The following ST3GAL3 variants were observed in gnomAD, a reference collection of about 807,000 sequenced individuals.
ST3GAL3 encodes ST3 beta-galactoside alpha-2,3-sialyltransferase 3, also known as CMP-N-acetylneuraminate-beta-1,4-galactoside alpha-2,3-sialyltransferase.
In ST3GAL3, 21 loss-of-function variants were observed where a neutral mutation model predicts 50.1. The observed-to-expected ratio is 0.42, with a 90% CI of 0.30 to 0.60. The LOEUF (loss-of-function observed/expected upper bound fraction) is 0.60, where lower values mean the gene tolerates loss of function less well. ST3GAL3 is among the 20% of genes least tolerant of loss of function. The pLI, the probability that ST3GAL3 is intolerant of heterozygous loss-of-function variation, is 0.19. For missense variants in ST3GAL3, 353 were observed against 489.4 expected (o/e 0.72, Z 2.63); for synonymous variants, 183 against 190.0 (o/e 0.96, Z 0.30).
intron 3 of ST3GAL3, among the ~76,000 whole-genome samples, chr1:43,807,332 C>G (rs1310839293): frequency 2.0e-5 from 3 of 152,114 alleles, no homozygotes; most frequent in Non-Finnish European, 4.4e-5. Context: ...AGGAGCATTG[C>G]TTGAGCCCAG....
chr1:43,861,874 C>A (rs1014745194), intron 5 of ST3GAL3, among the ~76,000 whole-genome samples: 4 of 152,102 alleles, frequency 2.6e-5, no homozygotes, highest in East Asian at 1.9e-4. Flanking sequence ...ACTAAAAATA[C>A]AAAATTAGCC....
chr1:43,875,545 G>C (rs573992015), intron 5 of ST3GAL3, among the ~76,000 whole-genome samples: 1 of 152,154 alleles, frequency 6.6e-6, no homozygotes. Context: ...CTGGTGGGAA[G>C]TGATTGGATC....
intron 5 of ST3GAL3, among the ~76,000 whole-genome samples, chr1:43,862,958 T>C (rs1027390087): frequency 2.0e-5 from 3 of 152,056 alleles, no homozygotes; most frequent in Admixed American, 6.6e-5. Context: ...TAAGGACATA[T>C]TAAATTCTGG....
intron 9 of ST3GAL3, among the ~76,000 whole-genome samples, chr1:43,908,380 C>G (rs970718929): frequency 2.0e-5 from 3 of 152,154 alleles, no homozygotes; most frequent in Non-Finnish European, 4.4e-5. Context: ...TCTCAAAGTT[C>G]CTTCTCATAC....
intron 4 of ST3GAL3, among the ~76,000 whole-genome samples, chr1:43,837,730 G>A (rs12084315): frequency 6.6e-6 from 1 of 152,150 alleles, no homozygotes; most frequent in African/African-American, 2.4e-5. Context: ...CAACACTTTG[G>A]GAGGCCAAGG....
At chr1:43,808,180 T>G (rs1484136437) in intron 3 of ST3GAL3, among the ~76,000 whole-genome samples, 2 of 151,718 alleles carry the variant, frequency 1.3e-5, no homozygotes. Context: ...GGCGGGCGCC[T>G]GTAATCCCAG....
chr1:43,728,858 T>C (rs1057176178), intron 1 of ST3GAL3, among the ~76,000 whole-genome samples: 8 of 152,188 alleles, frequency 5.3e-5, no homozygotes, highest in African/African-American at 1.9e-4. Flanking sequence ...TACACACATA[T>C]GTACATATAC....
Position 43,832,253 on chromosome 1 carries a change from C to T in ST3GAL3, c.210-5966C>T, listed in dbSNP as rs141613972. ...TAATGTCAGCTCCACAATCACTGAT[C>T]AAATAGGAAGGTGGCCTGGTTTGAT... On this transcript the variant is annotated intron_variant, in intron 4 of 11. Transcript: ENST00000347631. Among the ~76,000 whole-genome samples, 212 of 152,264 alleles carry T rather than the reference C, an allele frequency of 1.4e-3. 2 individuals are homozygous for T. The highest frequency in any genetic ancestry group is 3.4e-3 in the Middle Eastern group (1 of 294).
chr1:43,891,154 C>G, intron 5 of ST3GAL3, among the ~76,000 whole-genome samples: 1 of 152,058 alleles, frequency 6.6e-6, no homozygotes, highest in East Asian at 1.9e-4. Flanking sequence ...AGATCAGCCT[C>G]AAAAATCTTT....
rs750513451 is a variant in ST3GAL3, at chr1:43,761,688, T to G, written c.118+25308T>G. 2.6e-5 allele frequency among the ~76,000 whole-genome samples: 4 copies of G among 151,848 alleles called. No individual in the cohort carries two copies. In the East Asian group the frequency reaches 7.8e-4, roughly 30 times the overall value. Reference sequence around the variant, plus strand: ...AGGCTGGGCCGGGCGCGGTGGCTCATGCCTGTAATCCCAGCACTTTGGGAG... The same window carrying G: ...AGGCTGGGCCGGGCGCGGTGGCTCAGGCCTGTAATCCCAGCACTTTGGGAG... On this transcript the variant is annotated intron_variant, in intron 2 of 11. Transcript: ENST00000347631.
At chr1:43,781,634 G>A (rs1306467121) in intron 2 of ST3GAL3, among the ~76,000 whole-genome samples, 2 of 151,766 alleles carry the variant, frequency 1.3e-5, no homozygotes, top group East Asian at 1.9e-4. Flanking sequence ...ATTTTTACAT[G>A]TTTAAAGGGT....
chr1:43,741,429 C>A (rs1455626477), intron 2 of ST3GAL3, among the ~76,000 whole-genome samples: 2 of 152,144 alleles, frequency 1.3e-5, no homozygotes, highest in Admixed American at 1.3e-4. Context: ...AAGATTATAA[C>A]CAGATAAATT....
At chr1:43,816,254 C>T (rs2061236377) in intron 4 of ST3GAL3, among the ~76,000 whole-genome samples, 1 of 152,138 alleles carries the variant, frequency 6.6e-6, no homozygotes, top group South Asian at 2.1e-4. Context: ...AAACCAGGGG[C>T]TGGTTGGTTT....
At chr1:43,904,865 C>T (rs551955132) in intron 9 of ST3GAL3, among the ~76,000 whole-genome samples, 43 of 73,528 alleles carry the variant, frequency 5.8e-4, no homozygotes, top group Admixed American at 1.2e-3. Flanking sequence ...CTTCCTCCTC[C>T]TCCTCCTGCT....
At chr1:43,714,157 A>C (rs1666142774) in intron 1 of ST3GAL3, among the ~76,000 whole-genome samples, 1 of 151,562 alleles carries the variant, frequency 6.6e-6, no homozygotes, top group Non-Finnish European at 1.5e-5. Flanking sequence ...CCAGCTACCC[A>C]GGAGGCTGAG....
intron 5 of ST3GAL3, among the ~76,000 whole-genome samples, chr1:43,844,311 C>T (rs2065880219): frequency 6.6e-6 from 1 of 152,206 alleles, no homozygotes; most frequent in Non-Finnish European, 1.5e-5. Context: ...CTGAAAGTTC[C>T]AGCCCTCTAA....
At chr1:43,774,457 G>C (rs1696444020) in intron 2 of ST3GAL3, among the ~76,000 whole-genome samples, 2 of 152,168 alleles carry the variant, frequency 1.3e-5, no homozygotes, top group African/African-American at 4.8e-5. Flanking sequence ...TCCACTCTCT[G>C]GGATCTTCAG....
intron 1 of ST3GAL3, chr1:43,708,145 G>C (rs1453962579): frequency 6.6e-6 from 1 of 152,264 alleles, no homozygotes; most frequent in Non-Finnish European, 1.5e-5. Flanking sequence ...CAGTTTGATC[G>C]GCAAAGTACG....
intron 3 of ST3GAL3, among the ~76,000 whole-genome samples, chr1:43,802,219 C>G (rs3791056): frequency 0.033 from 5,069 of 152,148 alleles, 122 homozygotes; most frequent in East Asian, 0.14. Flanking sequence ...TAATGATACT[C>G]TCTTAAAAAA....
Sources: gnomAD v4.1 joint callset for allele counts (sites outside exome capture counted in the v4.1 genomes callset) on GRCh38, gnomAD v4.1.1 for gene constraint, MANE v1.5 for transcripts, NCBI Gene and HGNC (gene_info 2026-07-23, HGNC 2026-07-21) for gene names.